The following SPATA6 variants were observed in gnomAD, a reference collection of about 807,000 sequenced individuals.
SPATA6 encodes spermatogenesis-associated protein 6.
SPATA6 carries 56 observed loss-of-function variants against 65.3 expected under a neutral mutation model. The ratio of observed to expected loss-of-function variants is 0.86; its 90% CI spans 0.69 to 1.07. SPATA6 has a LOEUF of 1.07. Among genes scored for constraint, SPATA6 ranks in the 50% least tolerant of loss-of-function variants. The probability of loss-of-function intolerance (pLI) is 0.00; values close to 1 mark genes in which losing one functional copy is unlikely to be tolerated. For synonymous variants in SPATA6, 199 were observed against 213.2 expected (o/e 0.93, Z 0.58); for missense variants, 590 against 594.8 (o/e 0.99, Z 0.08).
intron 2 of SPATA6, 112 bp from the exon 3 acceptor site, chr1:48,451,712 A>C (rs922069006): frequency 1.0e-6 from 1 of 954,484 alleles, no homozygotes; most frequent in African/African-American, 1.7e-5. Context: ...GACATTATTG[A>C]GAACTGTCAG....
At chr1:48,330,657 G>C (rs1174083915) in intron 11 of SPATA6, among the ~76,000 whole-genome samples, 1 of 152,220 alleles carries the variant, frequency 6.6e-6, no homozygotes, top group African/African-American at 2.4e-5. Context: ...ACGTTTGCCT[G>C]AATGTGTTGA....
chr1:48,334,087 T>C (rs951478207), intron 11 of SPATA6, among the ~76,000 whole-genome samples: 6 of 152,080 alleles, frequency 3.9e-5, no homozygotes, highest in East Asian at 1.9e-4. Context: ...ATGGAAGAAA[T>C]TGAATCTGTG....
At chr1:48,403,173 T>G (rs1194283028) in intron 6 of SPATA6, among the ~76,000 whole-genome samples, 1 of 151,824 alleles carries the variant, frequency 6.6e-6, no homozygotes, top group Non-Finnish European at 1.5e-5. Flanking sequence ...AAAATATATT[T>G]AAAAAAAGGA....
intron 9 of SPATA6, among the ~76,000 whole-genome samples, chr1:48,384,631 G>A (rs1649261971): frequency 6.6e-6 from 1 of 151,938 alleles, no homozygotes; most frequent in African/African-American, 2.4e-5. Flanking sequence ...AAATAATTCT[G>A]AATCACCAGA....
At chr1:48,305,196 T>G (rs1645031738) in intron 12 of SPATA6, among the ~76,000 whole-genome samples, 1 of 152,208 alleles carries the variant, frequency 6.6e-6, no homozygotes, top group African/African-American at 2.4e-5. Context: ...CTTTGGAGCT[T>G]TGTTTCTTAT....
At chr1:48,436,102 G>A in intron 3 of SPATA6, 2 of 1,609,928 alleles carry the variant, frequency 1.2e-6, no homozygotes, top group Non-Finnish European at 1.7e-6. Context: ...ATCCACTAGA[G>A]CCAGTGAAGT....
chr1:48,442,780 T>G lies in SPATA6; in HGVS notation c.238+8772A>C, dbSNP rs566125032. 1.7e-4 allele frequency among the ~76,000 whole-genome samples: 22 copies of G among 131,374 alleles called. No individual in the cohort carries two copies. The South Asian group carries it at 2.5e-3, about 15-fold the overall frequency. 86.2% of individuals were successfully genotyped at this position (131,374 alleles called of 152,430 possible). On this transcript the variant is annotated intron_variant, in intron 3 of 12. Coordinates refer to ENST00000371847, the MANE Select transcript of SPATA6 (RefSeq NM_019073.4). ...CTATTCCTTTAAAAGCCAGGGTAAA[T>G]TTAAAACCTATAATGATAATTGAAG...
the SPATA6 span, among the ~76,000 whole-genome samples, chr1:48,276,844 G>A: frequency 1.3e-5 from 2 of 152,040 alleles, no homozygotes; most frequent in African/African-American, 2.4e-5. Flanking sequence ...TGTATATTAG[G>A]TCCACTTGGT....
At chr1:48,402,302 C>G (rs1435076165) in intron 6 of SPATA6, among the ~76,000 whole-genome samples, 1 of 151,870 alleles carries the variant, frequency 6.6e-6, no homozygotes, top group Non-Finnish European at 1.5e-5. Context: ...ATGTACTTTT[C>G]TATGTGTATG....
At chr1:48,288,085 G>A in the SPATA6 span, among the ~76,000 whole-genome samples, 1 of 152,126 alleles carries the variant, frequency 6.6e-6, no homozygotes, top group Non-Finnish European at 1.5e-5. Context: ...CTTTCTTTCT[G>A]TTAATGTATC....
At chr1:48,288,216 G>A in the SPATA6 span, among the ~76,000 whole-genome samples, 1 of 152,122 alleles carries the variant, frequency 6.6e-6, no homozygotes, top group African/African-American at 2.4e-5. Context: ...TTTTATTGAG[G>A]ACTTCCATAT....
intron 1 of SPATA6, among the ~76,000 whole-genome samples, chr1:48,457,685 T>A (rs1057251296): frequency 2.0e-5 from 3 of 152,098 alleles, no homozygotes; most frequent in Non-Finnish European, 2.9e-5. Context: ...AACTAAGTGA[T>A]TCCCAAATAA....
intron 11 of SPATA6, among the ~76,000 whole-genome samples, chr1:48,324,242 G>A (rs539611458): frequency 3.9e-5 from 6 of 152,272 alleles, no homozygotes; most frequent in Admixed American, 2.6e-4. Flanking sequence ...ACAGGGATGA[G>A]CCATCATGCC....
intron 3 of SPATA6, among the ~76,000 whole-genome samples, chr1:48,414,984 G>A (rs1652619606): frequency 6.7e-6 from 1 of 150,322 alleles, no homozygotes; most frequent in South Asian, 2.1e-4. Context: ...AGCAGAAAGA[G>A]ACAGAAATTC....
At chr1:48,279,269 T>C in the SPATA6 span, among the ~76,000 whole-genome samples, 1 of 152,144 alleles carries the variant, frequency 6.6e-6, no homozygotes, top group African/African-American at 2.4e-5. Flanking sequence ...AGAAACTGCA[T>C]CAACTAACGA....
At chr1:48,427,181 G>A (rs149517293) in intron 3 of SPATA6, among the ~76,000 whole-genome samples, 2 of 152,106 alleles carry the variant, frequency 1.3e-5, no homozygotes, top group African/African-American at 4.8e-5. Context: ...TCCAGCCTAC[G>A]CTTCCCAAAG....
rs1162994331 is a variant in SPATA6 at position 48,403,784 on chromosome 1, T to C, written c.486+18A>G. 3 of 1,576,572 alleles carry C rather than the reference T, an allele frequency of 1.9e-6. No homozygotes were observed. Among genetic ancestry groups the C allele is most frequent in the Admixed American group, 1.8e-5 (1 of 57,036 alleles). On this transcript the variant is annotated intron_variant, in intron 6 of 12. Transcript: ENST00000371847. ...AAATAAATTAAACCATTAAATACTT[T>C]ATACAAATAATTTTAACCTGAGTGT...
At chr1:48,421,300 G>A (rs1310344740) in intron 3 of SPATA6, among the ~76,000 whole-genome samples, 1 of 151,066 alleles carries the variant, frequency 6.6e-6, no homozygotes, top group East Asian at 1.9e-4. Flanking sequence ...AATTTCATAT[G>A]ATGCCCTATA....
At chr1:48,385,393 C>T in intron 8 of SPATA6, 44 bp from the exon 9 acceptor site, 2 of 1,555,790 alleles carry the variant, frequency 1.3e-6, no homozygotes, top group Admixed American at 1.9e-5. Flanking sequence ...AATTTGGTTT[C>T]ATCTTTGATT....
Sources: allele counts gnomAD v4.1 joint callset (sites outside exome capture counted in the v4.1 genomes callset), GRCh38; gene constraint gnomAD v4.1.1; transcripts MANE v1.5; gene names NCBI Gene and HGNC (gene_info 2026-07-23, HGNC 2026-07-21).